CPVL: variants seen among roughly 807,000 people sequenced by gnomAD.
CPVL encodes the protein carboxypeptidase vitellogenic like, also known as probable serine carboxypeptidase CPVL.
Under a neutral mutation model 63.7 loss-of-function variants are expected in CPVL, and 51 were observed. That is an observed-to-expected ratio of 0.80 (90% CI 0.64 to 1.01). CPVL has a LOEUF of 1.01. CPVL is among the 50% of genes least tolerant of loss of function. CPVL has a pLI of 0.00. For missense variants in CPVL, 530 were observed against 573.1 expected (o/e 0.92, Z 0.77); for synonymous variants, 195 against 206.0 (o/e 0.95, Z 0.46).
At chr7:29,103,125 AG>A (rs1228183783) in intron 3 of CPVL, among the ~76,000 whole-genome samples, 1 of 133,738 alleles carries the variant, frequency 7.5e-6, no homozygotes, top group African/African-American at 2.7e-5. Flanking sequence ...GAGAGAATAG[AG>A]ATAACCTTCT....
intron 10 of CPVL, 33 bp downstream of exon 10, chr7:29,065,990 C>T: frequency 7.4e-7 from 1 of 1,350,666 alleles, no homozygotes; most frequent in African/African-American, 1.5e-5. Context: ...AAGTTTTAAG[C>T]AAACATTATT....
At chr7:29,159,461 A>G (rs1196595964) in intron 5 of CPVL, among the ~76,000 whole-genome samples, 2 of 152,192 alleles carry the variant, frequency 1.3e-5, no homozygotes, top group African/African-American at 4.8e-5. Context: ...CTTCAGATGA[A>G]TGAAAACCTA....
chr7:29,038,591 C>G (rs1406669734), intron 11 of CPVL, among the ~76,000 whole-genome samples: 2 of 152,228 alleles, frequency 1.3e-5, no homozygotes, highest in African/African-American at 4.8e-5. Flanking sequence ...TGAGCTAACA[C>G]TTTGCGGAGC....
At chr7:29,176,251 TC>T (rs761043485) in intron 5 of CPVL, among the ~76,000 whole-genome samples, 3 of 150,214 alleles carry the variant, frequency 2.0e-5, no homozygotes, top group Non-Finnish European at 4.4e-5. Flanking sequence ...ACTACAAAGA[TC>T]CAGAAGAGAA....
At chr7:29,071,389 C>G (rs891922657) in intron 9 of CPVL, among the ~76,000 whole-genome samples, 1 of 152,168 alleles carries the variant, frequency 6.6e-6, no homozygotes, top group African/African-American at 2.4e-5. Flanking sequence ...GGATATAAAA[C>G]TCTTCTACAT....
At chr7:29,028,963 T>C (rs1373628061) in intron 12 of CPVL, among the ~76,000 whole-genome samples, 6 of 93,460 alleles carry the variant, frequency 6.4e-5, no homozygotes, top group Non-Finnish European at 1.3e-4. Context: ...CAAGACTCCA[T>C]CTCAAAAAAA....
chr7:29,157,716 A>G (rs1794604327), intron 5 of CPVL, among the ~76,000 whole-genome samples: 1 of 152,256 alleles, frequency 6.6e-6, no homozygotes, highest in Admixed American at 6.5e-5. Flanking sequence ...TGACCTGAAC[A>G]AGATCTGGTG....
intron 11 of CPVL, among the ~76,000 whole-genome samples, chr7:29,051,393 C>T (rs762570419): frequency 6.6e-6 from 1 of 151,958 alleles, no homozygotes; most frequent in African/African-American, 2.4e-5. Flanking sequence ...ACAAACAAAT[C>T]AGTAAGTAAA....
At chr7:29,157,452 G>C (rs1794554014) in intron 5 of CPVL, among the ~76,000 whole-genome samples, 1 of 37,144 alleles carries the variant, frequency 2.7e-5, no homozygotes, top group Non-Finnish European at 4.6e-5. Context: ...CACTAAGCTG[G>C]AAACTTTAAA....
intron 11 of CPVL, among the ~76,000 whole-genome samples, chr7:29,058,583 A>G (rs1264123637): frequency 1.3e-5 from 2 of 152,132 alleles, no homozygotes; most frequent in Admixed American, 6.5e-5. Flanking sequence ...CAGGTCTACT[A>G]GCAACAAATT....
chr7:29,089,156 C>A lies in CPVL; in HGVS notation c.543-2606G>T, dbSNP rs373487223. ...GAATTTTAGTTAAGGGCTCTCTGCT[C>A]GCAGAAAGGTACCTTAAAGGACCAA... On this transcript the variant is annotated intron_variant, in intron 6 of 12. Coordinates refer to ENST00000265394, the MANE Select transcript of CPVL (RefSeq NM_031311.5). Among the ~76,000 whole-genome samples, 15 of 152,152 alleles carry A rather than the reference C, an allele frequency of 9.9e-5. No homozygotes were observed. The South Asian group carries it at 3.1e-3, about 32-fold the overall frequency.
intron 7 of CPVL, among the ~76,000 whole-genome samples, chr7:29,072,860 G>A (rs930665412): frequency 1.3e-5 from 2 of 152,140 alleles, no homozygotes; most frequent in African/African-American, 4.8e-5. Flanking sequence ...AAAGGAATAG[G>A]AGAAGCAGAA....
chr7:29,097,987 C>T (rs1265049047), intron 3 of CPVL, among the ~76,000 whole-genome samples: 1 of 152,180 alleles, frequency 6.6e-6, no homozygotes, highest in Non-Finnish European at 1.5e-5. Flanking sequence ...AAAAGCTCTA[C>T]TTGGCTCCCC....
chr7:29,065,974 T>C (rs1305391593), intron 10 of CPVL, 49 bp downstream of exon 10: 2 of 1,137,572 alleles, frequency 1.8e-6, no homozygotes, highest in African/African-American at 3.1e-5. Flanking sequence ...AGTTCGGTTT[T>C]GCCAAAAGTT....
At position 29,095,341 on chromosome 7, in the gene CPVL, G is replaced by T. The variant is rs901039657; in HGVS notation, c.404-199C>A. Among the ~76,000 whole-genome samples the T allele has an allele frequency of 3.9e-5, 6 of 152,196 alleles. No individual in the cohort carries two copies. In the South Asian group the frequency reaches 1.2e-3, roughly 32 times the overall value. ...CACTCCTCTCCTTTACTTTCCCCCA[G>T]CCCAGAGTGTTTCTACACCTGAGAT... On this transcript the variant is annotated intron_variant, in intron 4 of 12. Transcript: ENST00000265394.
intron 5 of CPVL, among the ~76,000 whole-genome samples, chr7:29,170,723 C>T (rs187637902): frequency 7.2e-5 from 11 of 152,132 alleles, no homozygotes; most frequent in Admixed American, 2.0e-4. Context: ...GACGTACTCG[C>T]GACTGGGCAA....
chr7:29,124,041 T>C (rs953595025), intron 1 of CPVL, among the ~76,000 whole-genome samples: 3 of 152,198 alleles, frequency 2.0e-5, no homozygotes, highest in African/African-American at 7.2e-5. Flanking sequence ...TACTTCATTT[T>C]ACAGTTCTCA....
chr7:29,193,689 C>G (rs1353155524), intron 1 of CPVL: 2 of 152,194 alleles, frequency 1.3e-5, no homozygotes, highest in Non-Finnish European at 2.9e-5. Flanking sequence ...AGGGACACAC[C>G]TTGTGCTCGA....
chr7:29,166,706 C>T (rs560707221), intron 5 of CPVL, among the ~76,000 whole-genome samples: 1 of 151,268 alleles, frequency 6.6e-6, no homozygotes, highest in East Asian at 1.9e-4. Flanking sequence ...TATTGGTATC[C>T]TCTCTCTCAT....
Sources: gnomAD v4.1 joint callset for allele counts (sites outside exome capture counted in the v4.1 genomes callset) on GRCh38, gnomAD v4.1.1 for gene constraint, MANE v1.5 for transcripts, NCBI Gene and HGNC (gene_info 2026-07-23, HGNC 2026-07-21) for gene names.